The following PDXDC1 variants were observed in gnomAD, a reference collection of about 807,000 sequenced individuals.
The protein encoded by PDXDC1 is pyridoxal-dependent decarboxylase domain-containing protein 1.
PDXDC1 carries 42 observed loss-of-function variants against 100.1 expected under a neutral mutation model. That is an observed-to-expected ratio of 0.42 (90% CI 0.33 to 0.54). The LOEUF is 0.54. Among genes scored for constraint, PDXDC1 ranks in the 20% least tolerant of loss-of-function variants. The pLI, the probability that PDXDC1 is intolerant of heterozygous loss-of-function variation, is 0.10. For synonymous variants in PDXDC1, 260 were observed against 371.7 expected (o/e 0.70, Z 3.46); for missense variants, 636 against 979.2 (o/e 0.65, Z 4.68).
chr16:15,048,847 C>T (rs1411994426), intron 16 of PDXDC1, among the ~76,000 whole-genome samples: 2 of 149,950 alleles, frequency 1.3e-5, no homozygotes, highest in African/African-American at 4.9e-5. Flanking sequence ...TGGTCTCAAA[C>T]TCCTGGGCTC....
At chr16:15,144,331 G>C (rs1320567413), downstream of PDXDC1, among the ~76,000 whole-genome samples, 1 of 152,218 alleles carries the variant, frequency 6.6e-6, no homozygotes, top group Non-Finnish European at 1.5e-5. Flanking sequence ...CGGCTTCCAG[G>C]GCCGGAAATG....
chr16:15,031,284 G>A (rs553646613), intron 16 of PDXDC1, among the ~76,000 whole-genome samples: 2 of 152,150 alleles, frequency 1.3e-5, no homozygotes, highest in South Asian at 4.2e-4. Flanking sequence ...AACTGCAAAA[G>A]TAAGCCAGTG....
At chr16:15,018,616 C>T (rs932057075) in intron 11 of PDXDC1, among the ~76,000 whole-genome samples, 2 of 152,208 alleles carry the variant, frequency 1.3e-5, no homozygotes, top group Admixed American at 6.5e-5. Flanking sequence ...CTTTTCCTGG[C>T]TTTGCCACTC....
intron 11 of PDXDC1, among the ~76,000 whole-genome samples, chr16:15,018,567 C>T (rs1232394707): frequency 3.3e-5 from 5 of 152,256 alleles, no homozygotes; most frequent in African/African-American, 1.2e-4. Context: ...GGGGAGTCTC[C>T]TAGGTTCTGG....
chr16:15,060,110 T>A (rs999504121), intron 16 of PDXDC1: 4 of 338,100 alleles, frequency 1.2e-5, no homozygotes, highest in Admixed American at 3.8e-5. Flanking sequence ...TCACCATGGA[T>A]TTTTTTTCAC....
At chr16:15,133,606 C>T (rs1315435597) in intron 16 of PDXDC1, 25 of 1,202,072 alleles carry the variant, frequency 2.1e-5, no homozygotes, top group Middle Eastern at 5.4e-4. Context: ...AGAGGCTGCC[C>T]TTGTAGACAC....
intron 16 of PDXDC1, 145 bp from the exon 17 acceptor site, chr16:15,031,590 G>C (rs913170908): frequency 3.2e-6 from 2 of 620,512 alleles, no homozygotes; most frequent in Non-Finnish European, 5.7e-6. Context: ...TCTGTGTTGA[G>C]GGCCTTTTTT....
chr16:15,142,105 G>C (rs927045928), downstream of PDXDC1, among the ~76,000 whole-genome samples: 2 of 152,192 alleles, frequency 1.3e-5, no homozygotes, highest in Admixed American at 1.3e-4. Context: ...GGCCACGGGA[G>C]AAAGGAAAGA....
intron 12 of PDXDC1, among the ~76,000 whole-genome samples, chr16:15,022,096 T>C (rs1269801711): frequency 3.9e-5 from 6 of 152,294 alleles, no homozygotes; most frequent in Admixed American, 2.6e-4. Context: ...TAGATATGAT[T>C]AGTGATGAGG....
chr16:15,064,796 C>T (rs575663079), intron 16 of PDXDC1, among the ~76,000 whole-genome samples: 100 of 152,336 alleles, frequency 6.6e-4, no homozygotes, highest in African/African-American at 2.3e-3. Context: ...AGATGCTCAT[C>T]AACAGCGAGG....
chr16:14,991,526 ATTTTTT>A (rs1168644641), intron 1 of PDXDC1, among the ~76,000 whole-genome samples: 1 of 136,454 alleles, frequency 7.3e-6, no homozygotes, highest in Non-Finnish European at 1.6e-5. Context: ...TATTTTGTCT[ATTTTTT>A]TTTTTTTTTT....
At chr16:15,099,185 G>A (rs2046456516) in intron 16 of PDXDC1, among the ~76,000 whole-genome samples, 1 of 152,118 alleles carries the variant, frequency 6.6e-6, no homozygotes, top group African/African-American at 2.4e-5. Flanking sequence ...TACTTTGGGA[G>A]GCTGAGGCAG....
At chr16:15,041,739 T>C, downstream of PDXDC1, 1 of 1,228,028 alleles carries the variant, frequency 8.1e-7, no homozygotes, top group South Asian at 1.2e-5. Context: ...AACAAACTGC[T>C]GAGCAAGCCA....
Position 15,036,649 on chromosome 16 carries a change from CT to C in PDXDC1, c.*375del. 1.2e-5 allele frequency: 3 copies of C among 254,008 alleles called. No individual in the cohort carries two copies. The highest frequency in any genetic ancestry group is 5.0e-5 in the Admixed American group (1 of 19,934). The allele number at this position is 254,008 out of a possible 1,614,324, so 15.7% of individuals were successfully genotyped here. A position where few individuals can be genotyped will look rare whatever the true frequency, so the allele number is the denominator to read the frequency against. ...TTGGTAAAACAGCTTTTCATTAGCA[CT>C]CTCCAGGTTCTCTGCAACACTTCAC... On this transcript the variant is annotated 3_prime_UTR_variant, in exon 23 of 23. Coordinates refer to ENST00000396410, the MANE Select transcript of PDXDC1 (RefSeq NM_015027.4).
intron 1 of PDXDC1, among the ~76,000 whole-genome samples, chr16:14,991,078 A>G (rs372816946): frequency 6.6e-6 from 1 of 152,278 alleles, no homozygotes; most frequent in Non-Finnish European, 1.5e-5. Flanking sequence ...GTTTACGTTT[A>G]CGTAAACTGC....
At chr16:15,134,384 T>C (rs2048254404) in intron 16 of PDXDC1, 1 of 625,280 alleles carries the variant, frequency 1.6e-6, no homozygotes, top group Non-Finnish European at 2.9e-6. Flanking sequence ...ACAGGTCTAT[T>C]TGGCCTGCTG....
chr16:15,040,431 T>G (rs2043762172), downstream of PDXDC1: 2 of 219,684 alleles, frequency 9.1e-6, no homozygotes, highest in Non-Finnish European at 1.8e-5. Flanking sequence ...TCTTCACAAT[T>G]TAGTATTTTA....
intron 16 of PDXDC1, among the ~76,000 whole-genome samples, chr16:15,054,677 C>T (rs1333568320): frequency 2.0e-5 from 3 of 152,184 alleles, no homozygotes; most frequent in Admixed American, 2.0e-4. Flanking sequence ...CCCTTCAGAA[C>T]ACGTTCAGGG....
chr16:15,070,211 T>C lies in PDXDC1; in HGVS notation c.1399+40155T>C, dbSNP rs151268158. The C allele has an allele frequency of 1.2e-4, 194 of 1,608,178 alleles. No individual in the cohort carries two copies. The African/African-American group carries it at 2.4e-3, about 20-fold the overall frequency. On this transcript the variant is annotated intron_variant, in intron 16 of 16. Transcript: ENST00000535621. ...CCCGAATCCTGGTTATTAAGGTATATGTGCAGCCAGTTAACCAAAAGATCT... is the reference window on the plus strand; with the variant it reads ...CCCGAATCCTGGTTATTAAGGTATACGTGCAGCCAGTTAACCAAAAGATCT...
Sources: gnomAD v4.1 joint callset for allele counts (sites outside exome capture counted in the v4.1 genomes callset) on GRCh38, gnomAD v4.1.1 for gene constraint, MANE v1.5 for transcripts, NCBI Gene and HGNC (gene_info 2026-07-23, HGNC 2026-07-21) for gene names.